Variants in LRRC72 observed in about 807,000 individuals in gnomAD.
The protein encoded by LRRC72 is leucine rich repeat containing 72, also known as leucine-rich repeat-containing protein 72.
Under a neutral mutation model 35.8 loss-of-function variants are expected in LRRC72, and 41 were observed. The ratio of observed to expected loss-of-function variants is 1.15; its 90% CI spans 0.89 to 1.49. The LOEUF is 1.49. Among genes scored for constraint, LRRC72 ranks in the 40% most tolerant of loss-of-function variants. The pLI is 0.00. For synonymous variants in LRRC72, 118 were observed against 119.2 expected, an observed-to-expected ratio of 0.99 and a Z score of 0.07; for missense variants, 389 against 330.7, an observed-to-expected ratio of 1.18 and a Z score of -1.37.
chr7:16,539,222 G>A (rs1782314321), intron 3 of LRRC72, among the ~76,000 whole-genome samples: 1 of 152,188 alleles, frequency 6.6e-6, no homozygotes, highest in African/African-American at 2.4e-5. Flanking sequence ...TGGAGATGAG[G>A]AACTTATTGG....
At chr7:16,565,235 C>A (rs900041961) in intron 5 of LRRC72, among the ~76,000 whole-genome samples, 2 of 152,144 alleles carry the variant, frequency 1.3e-5, no homozygotes, top group Non-Finnish European at 2.9e-5. Context: ...CAGTTCGAGA[C>A]CAGCCTTGCC....
chr7:16,579,448 T>C (rs759174031), intron 7 of LRRC72, among the ~76,000 whole-genome samples: 1 of 152,136 alleles, frequency 6.6e-6, no homozygotes, highest in Non-Finnish European at 1.5e-5. Context: ...CAACAGGTGC[T>C]AGTAAAATCC....
At position 16,563,277 on chromosome 7, in the gene LRRC72, CT is replaced by C. The variant is rs370859792; in HGVS notation, c.428-3026del. 4.1e-3 allele frequency among the ~76,000 whole-genome samples: 610 copies of C among 149,398 alleles called. 1 individual carries two copies. The highest frequency in any genetic ancestry group is 0.014 in the African/African-American group (554 of 40,742). The stretch of plus-strand genomic sequence containing the variant: ...TAACTGGAGCCAATTATTTAGATGG[CT>C]TTTTTTTTTCCTCTTCTGTCTCGAT... On this transcript the variant is annotated intron_variant, in intron 5 of 8. Transcript: ENST00000401542.
chr7:16,549,109 T>C (rs1441454892), intron 3 of LRRC72, among the ~76,000 whole-genome samples: 2 of 152,202 alleles, frequency 1.3e-5, no homozygotes, highest in East Asian at 3.9e-4. Context: ...TTTCATTTTG[T>C]CAGTGAATCC....
At chr7:16,565,926 A>C (rs1252893884) in intron 5 of LRRC72, among the ~76,000 whole-genome samples, 1 of 152,220 alleles carries the variant, frequency 6.6e-6, no homozygotes, top group Non-Finnish European at 1.5e-5. Context: ...CTGAAAGAAG[A>C]GTACCAAGTG....
intron 5 of LRRC72, among the ~76,000 whole-genome samples, chr7:16,561,313 T>C (rs1782740516): frequency 6.6e-6 from 1 of 152,212 alleles, no homozygotes; most frequent in South Asian, 2.1e-4. Flanking sequence ...TAAGGAAACT[T>C]GTTATAAAAC....
chr7:16,550,734 C>A (rs1032551359), intron 3 of LRRC72, among the ~76,000 whole-genome samples: 2 of 152,190 alleles, frequency 1.3e-5, no homozygotes, highest in African/African-American at 4.8e-5. Flanking sequence ...AGGAAATGAG[C>A]ATTTAATTCT....
intron 7 of LRRC72, among the ~76,000 whole-genome samples, chr7:16,568,189 A>G (rs1330317776): frequency 6.6e-6 from 1 of 152,152 alleles, no homozygotes; most frequent in Admixed American, 6.6e-5. Context: ...GTTCAAGGAT[A>G]TATCTGTCTT....
chr7:16,557,389 C>T lies in LRRC72; in HGVS notation c.264C>T (p.Asn88=). The change falls in exon 4 of 9, where the codon AAC becomes AAT. Residue 88 remains asparagine, a synonymous_variant. Coordinates refer to ENST00000401542, the MANE Select transcript of LRRC72 (RefSeq NM_001195280.2). ...KLHGITFLTR[N]YCLTELYLNN... ...ATGGAATAACATTTCTAACTAGAAA[C>T]TATTGTCTGACAGAACTATATCTAA... The T allele has an allele frequency of 7.5e-7, 1 of 1,332,128 alleles. No individual in the cohort carries two copies. The highest frequency in any genetic ancestry group is 9.9e-7 in the Non-Finnish European group (1 of 1,013,750). The allele number at this position is 1,332,128 out of a possible 1,614,324, so 82.5% of individuals were successfully genotyped here.
chr7:16,543,774 G>A (rs1018543881), intron 3 of LRRC72, among the ~76,000 whole-genome samples: 1 of 152,190 alleles, frequency 6.6e-6, no homozygotes, highest in East Asian at 1.9e-4. Flanking sequence ...GCTTCTGGAT[G>A]TTTTCTTACC....
intron 7 of LRRC72, among the ~76,000 whole-genome samples, chr7:16,573,030 T>A (rs1782974846): frequency 6.6e-6 from 1 of 152,052 alleles, no homozygotes; most frequent in Non-Finnish European, 1.5e-5. Context: ...GAGAGCCAAA[T>A]CATGAGTGAC....
intron 1 of LRRC72, among the ~76,000 whole-genome samples, chr7:16,531,560 C>T (rs1386892283): frequency 6.6e-6 from 1 of 152,184 alleles, no homozygotes; most frequent in Non-Finnish European, 1.5e-5. Flanking sequence ...GTCATTATAA[C>T]CTCACCATTC....
intron 7 of LRRC72, among the ~76,000 whole-genome samples, chr7:16,575,602 T>C (rs532869361): frequency 2.6e-5 from 4 of 152,350 alleles, no homozygotes; most frequent in African/African-American, 2.4e-5. Flanking sequence ...TTGACTGTTA[T>C]GCTTGATATG....
At chr7:16,561,322 A>G (rs1782740717) in intron 5 of LRRC72, among the ~76,000 whole-genome samples, 1 of 152,226 alleles carries the variant, frequency 6.6e-6, no homozygotes, top group Non-Finnish European at 1.5e-5. Flanking sequence ...TTGTTATAAA[A>G]CAACATTTGG....
rs77693682 is a variant in LRRC72 at position 16,562,498 on chromosome 7, A to G, written c.427+3499A>G. Among the ~76,000 whole-genome samples the G allele has an allele frequency of 3.9e-3, 600 of 152,364 alleles. 4 individuals are homozygous for G. The highest frequency in any genetic ancestry group is 0.014 in the African/African-American group (575 of 41,586). ...TGGAAAGTATGCTTAAGACTCCTGC[A>G]TGCCATAATTGTTAAGACCTGCTTC... On this transcript the variant is annotated intron_variant, in intron 5 of 8. Transcript: ENST00000401542.
intron 5 of LRRC72, among the ~76,000 whole-genome samples, chr7:16,561,963 T>C (rs938553635): frequency 8.8e-4 from 134 of 152,328 alleles, no homozygotes; most frequent in Admixed American, 8.7e-3. Flanking sequence ...TAAAGTGTTA[T>C]TATTCCACTT....
intron 7 of LRRC72, among the ~76,000 whole-genome samples, chr7:16,572,584 CT>C (rs1407174268): frequency 6.6e-6 from 1 of 152,122 alleles, no homozygotes; most frequent in African/African-American, 2.4e-5. Flanking sequence ...GCAAAAAGGC[CT>C]TCAATAAAAT....
chr7:16,551,227 C>G (rs1017246173), intron 3 of LRRC72, among the ~76,000 whole-genome samples: 1 of 152,108 alleles, frequency 6.6e-6, no homozygotes, highest in Admixed American at 6.5e-5. Context: ...TGGCCACCTA[C>G]GAGCCAATAA....
intron 3 of LRRC72, among the ~76,000 whole-genome samples, chr7:16,551,517 A>C (rs1782547969): frequency 6.6e-6 from 1 of 152,106 alleles, no homozygotes; most frequent in Non-Finnish European, 1.5e-5. Context: ...TGGAAGCCCT[A>C]CTTCTGGGAG....
Sources: gnomAD v4.1 joint callset for allele counts (sites outside exome capture counted in the v4.1 genomes callset) on GRCh38, gnomAD v4.1.1 for gene constraint, MANE v1.5 for transcripts, NCBI Gene and HGNC (gene_info 2026-07-23, HGNC 2026-07-21) for gene names.